PIP4K2A: variants seen among roughly 807,000 people sequenced by gnomAD.
PIP4K2A encodes phosphatidylinositol-5-phosphate 4-kinase type 2 alpha.
In PIP4K2A, 14 loss-of-function variants were observed where a neutral mutation model predicts 42.9. The ratio of observed to expected loss-of-function variants is 0.33; its 90% CI spans 0.22 to 0.51. The LOEUF (loss-of-function observed/expected upper bound fraction) is 0.51. PIP4K2A is among the 20% of genes least tolerant of loss of function. The probability of loss-of-function intolerance (pLI) is 0.97; values close to 1 mark genes in which losing one functional copy is unlikely to be tolerated. For synonymous variants in PIP4K2A, 192 were observed against 192.2 expected, an observed-to-expected ratio of 1.00 and a Z score of 0.01; for missense variants, 434 against 519.8, an observed-to-expected ratio of 0.83 and a Z score of 1.61.
At position 22,573,354 on chromosome 10, in the gene PIP4K2A, A is replaced by G. The variant is rs1468589733; in HGVS notation, c.596T>C (p.Val199Ala). 2.5e-6 allele frequency: 4 copies of G among 1,613,752 alleles called. No homozygotes were observed. The East Asian group carries it at 6.7e-5, about 27-fold the overall frequency. The change falls in exon 5 of 10, where the codon GTA becomes GCA. Residue 199 changes from valine (V) to alanine (A), a missense_variant. By Grantham distance (64) the Val-to-Ala change is moderately conservative. This residue lies in a region of PIP4K2A where 395 missense variants were observed against 444.5 expected (regional missense o/e 0.89). Coordinates refer to ENST00000376573, the MANE Select transcript of PIP4K2A (RefSeq NM_005028.5). ...VEIYVIVTRN[V>A]FSHRLSVYRK... is the part of the protein sequence containing the mutation. Reference sequence around the variant, plus strand: ...ATACACAGACAAACGGTGGCTGAATACATTTCTTGTAACTATCACATATAT... The same window carrying G: ...ATACACAGACAAACGGTGGCTGAATGCATTTCTTGTAACTATCACATATAT...
chr10:22,678,432 T>G (rs966491208), intron 1 of PIP4K2A, among the ~76,000 whole-genome samples: 1 of 152,202 alleles, frequency 6.6e-6, no homozygotes, highest in Admixed American at 6.5e-5. Flanking sequence ...TCTTAGTGGC[T>G]ATTTCCCAAA....
intron 1 of PIP4K2A, among the ~76,000 whole-genome samples, chr10:22,660,978 C>T (rs1402775854): frequency 1.3e-5 from 2 of 152,130 alleles, no homozygotes; most frequent in Admixed American, 1.3e-4. Flanking sequence ...ACAAACAAGC[C>T]ACTCAGGTGT....
chr10:22,588,029 G>A (rs995635674), intron 4 of PIP4K2A, among the ~76,000 whole-genome samples: 1 of 152,130 alleles, frequency 6.6e-6, no homozygotes, highest in Non-Finnish European at 1.5e-5. Flanking sequence ...GGAATTCTCT[G>A]ATCATGTAAT....
intron 7 of PIP4K2A, among the ~76,000 whole-genome samples, chr10:22,542,548 G>A (rs1228461147): frequency 6.6e-6 from 1 of 152,216 alleles, no homozygotes; most frequent in African/African-American, 2.4e-5. Context: ...AAGGCACTGT[G>A]TCCACATCTG....
chr10:22,623,099 T>G (rs909180746), intron 1 of PIP4K2A, among the ~76,000 whole-genome samples: 4 of 152,048 alleles, frequency 2.6e-5, no homozygotes, highest in East Asian at 3.9e-4. Context: ...CATGGAACAT[T>G]CTCTAAGAAA....
chr10:22,638,502 C>A (rs372833481), intron 1 of PIP4K2A, among the ~76,000 whole-genome samples: 1 of 152,118 alleles, frequency 6.6e-6, no homozygotes, highest in Non-Finnish European at 1.5e-5. Context: ...AAACTAAATA[C>A]GTAACCAAAA....
intron 1 of PIP4K2A, among the ~76,000 whole-genome samples, chr10:22,639,445 G>C (rs577022911): frequency 9.3e-5 from 14 of 150,308 alleles, no homozygotes; most frequent in African/African-American, 3.4e-4. Flanking sequence ...TGAGAATTAG[G>C]ATTAAGAGGT....
At chr10:22,598,477 C>T (rs1837681478) in intron 3 of PIP4K2A, among the ~76,000 whole-genome samples, 2 of 152,208 alleles carry the variant, frequency 1.3e-5, no homozygotes, top group Non-Finnish European at 2.9e-5. Flanking sequence ...TTTAAAATTT[C>T]ACAAGGAAGT....
chr10:22,564,826 C>T (rs934974284), intron 6 of PIP4K2A, among the ~76,000 whole-genome samples: 18 of 152,338 alleles, frequency 1.2e-4, no homozygotes, highest in South Asian at 8.3e-4. Flanking sequence ...CCCCACTCGC[C>T]CTCACCGACC....
intron 1 of PIP4K2A, among the ~76,000 whole-genome samples, chr10:22,685,816 C>A (rs899785699): frequency 8.5e-5 from 13 of 152,172 alleles, no homozygotes; most frequent in South Asian, 4.1e-4. Flanking sequence ...TGGTGCCATG[C>A]CCCTCACAGC....
At chr10:22,645,733 A>G (rs975490171) in intron 1 of PIP4K2A, among the ~76,000 whole-genome samples, 5 of 150,910 alleles carry the variant, frequency 3.3e-5, no homozygotes, top group Admixed American at 1.3e-4. Flanking sequence ...GGACTCAGAC[A>G]GGGTCTACAC....
At chr10:22,627,622 A>AAAAAAAAAAAAAAAAAG (rs1838473069) in intron 1 of PIP4K2A, among the ~76,000 whole-genome samples, 1 of 123,506 alleles carries the variant, frequency 8.1e-6, no homozygotes, top group Admixed American at 7.9e-5. Context: ...AAAAAAAAAA[A>AAAAAAAAAAAAAAAAAG]AAAAAAAAAG....
intron 1 of PIP4K2A, among the ~76,000 whole-genome samples, chr10:22,664,152 C>T (rs796499679): frequency 0.088 from 1,817 of 20,698 alleles, 126 homozygotes; most frequent in Middle Eastern, 0.24. Flanking sequence ...CATATATATA[C>T]ACATATATAT....
In PIP4K2A at chr10:22,573,344, G is replaced by T; in HGVS notation, c.606C>A (p.His202Gln). Residue 202 changes from histidine to glutamine, a missense_variant, in exon 5 of 10, where the codon CAC becomes CAA. Transcript: ENST00000376573. The stretch of plus-strand genomic sequence containing the variant: ...CGTATTTCCTATACACAGACAAACG[G>T]TGGCTGAATACATTTCTTGTAACTA... ...YVIVTRNVFS[H>Q]RLSVYRKYDL... is the part of the protein sequence containing the mutation. 6.2e-7 allele frequency: 1 copy of T among 1,613,776 alleles called. No individual in the cohort carries two copies. The highest frequency in any genetic ancestry group is 1.1e-5 in the South Asian group (1 of 91,070).
chr10:22,620,279 T>G (rs1838294736), intron 1 of PIP4K2A, among the ~76,000 whole-genome samples: 1 of 152,210 alleles, frequency 6.6e-6, no homozygotes, highest in African/African-American at 2.4e-5. Context: ...ATAAAACTAC[T>G]GAATTCAGGC....
intron 4 of PIP4K2A, among the ~76,000 whole-genome samples, chr10:22,576,167 A>T (rs1380670501): frequency 6.6e-6 from 1 of 152,158 alleles, no homozygotes; most frequent in East Asian, 1.9e-4. Flanking sequence ...ATGGGTTAAA[A>T]TTTTGCAGTA....
At chr10:22,605,473 G>A (rs1329477315) in intron 3 of PIP4K2A, among the ~76,000 whole-genome samples, 2 of 152,186 alleles carry the variant, frequency 1.3e-5, no homozygotes. Flanking sequence ...AGGAAAACCA[G>A]TTCATGTCTT....
At chr10:22,540,728 T>A (rs1297896552) in intron 8 of PIP4K2A, among the ~76,000 whole-genome samples, 1 of 152,136 alleles carries the variant, frequency 6.6e-6, no homozygotes, top group Non-Finnish European at 1.5e-5. Context: ...GCTAATTTCA[T>A]ATTTTTAGTA....
intron 1 of PIP4K2A, among the ~76,000 whole-genome samples, chr10:22,643,303 G>C (rs1388926079): frequency 6.6e-6 from 1 of 152,114 alleles, no homozygotes; most frequent in Non-Finnish European, 1.5e-5. Flanking sequence ...ACAGAGCCAG[G>C]CCCATTGATT....
Sources: allele counts gnomAD v4.1 joint callset (sites outside exome capture counted in the v4.1 genomes callset), GRCh38; gene constraint gnomAD v4.1.1; regional missense constraint gnomAD v4.1.1; transcripts MANE v1.5; gene names NCBI Gene and HGNC (gene_info 2026-07-23, HGNC 2026-07-21).